The following PPP4R4 variants were observed in gnomAD, a reference collection of about 807,000 sequenced individuals.
PPP4R4 encodes the protein protein phosphatase 4 regulatory subunit 4, also known as serine/threonine-protein phosphatase 4 regulatory subunit 4.
In PPP4R4, 70 loss-of-function variants were observed where a neutral mutation model predicts 121.8. That is an observed-to-expected ratio of 0.57 (90% CI 0.47 to 0.70). PPP4R4 has a LOEUF of 0.70. Among genes scored for constraint, PPP4R4 ranks in the 30% least tolerant of loss-of-function variants. The probability of loss-of-function intolerance (pLI) is 0.00; values close to 1 mark genes in which losing one functional copy is unlikely to be tolerated. For synonymous variants in PPP4R4, 348 were observed against 355.7 expected (o/e 0.98, Z 0.24); for missense variants, 875 against 1,033.6 (o/e 0.85, Z 2.10).
intron 1 of PPP4R4, chr14:94,175,852 C>T (rs1310135150): frequency 5.2e-6 from 3 of 573,188 alleles, no homozygotes; most frequent in Non-Finnish European, 6.2e-6. Context: ...CAGCCCCCTC[C>T]CCAAACTCCC....
rs551514054 is a variant in PPP4R4, at chr14:94,174,588, C to T, written c.117+6C>T. On this transcript the variant is annotated splice_donor_region_variant and intron_variant, in intron 1 of 24. Coordinates refer to ENST00000304338, the MANE Select transcript of PPP4R4 (RefSeq NM_058237.2). ...CGGTCCGCCGGAGCCTCAAGGTGCG[C>T]CCCGGGGAGAGGACCTGCCCTCACG... 1.5e-5 allele frequency: 24 copies of T among 1,610,704 alleles called. No homozygotes were observed. The highest frequency in any genetic ancestry group is 4.5e-5 in the East Asian group (2 of 44,792).
At chr14:94,193,589 T>A (rs1889715353) in intron 2 of PPP4R4, among the ~76,000 whole-genome samples, 1 of 152,158 alleles carries the variant, frequency 6.6e-6, no homozygotes. Flanking sequence ...GGCGAGAATC[T>A]AATTGAAATA....
At chr14:94,243,000 T>C (rs1244217985) in intron 11 of PPP4R4, among the ~76,000 whole-genome samples, 1 of 152,124 alleles carries the variant, frequency 6.6e-6, no homozygotes, top group Non-Finnish European at 1.5e-5. Flanking sequence ...GGATAAGCTA[T>C]AACTTTCAAC....
In PPP4R4 at chr14:94,258,878, A is replaced by C. The variant is rs10150120; in HGVS notation, c.2052+54A>C. On this transcript the variant is annotated intron_variant, in intron 18 of 24. Coordinates refer to ENST00000304338, the MANE Select transcript of PPP4R4 (RefSeq NM_058237.2). ...TTGGTCCATTTTCATGCTGCTGAAA[A>C]AGACATACCCAAGACTGGGCAATTT... The C allele has an allele frequency of 2.7e-3, 3,920 of 1,457,612 alleles. 100 individuals carry two copies. In the African/African-American group the frequency reaches 0.047, roughly 18 times the overall value. The allele number at this position is 1,457,612 out of a possible 1,614,324, so 90.3% of individuals were successfully genotyped here. A position where few individuals can be genotyped will look rare whatever the true frequency, so the allele number is the denominator to read the frequency against.
chr14:94,263,049 C>A (rs1023340863), intron 19 of PPP4R4, among the ~76,000 whole-genome samples: 2 of 151,778 alleles, frequency 1.3e-5, no homozygotes, highest in Non-Finnish European at 2.9e-5. Context: ...TATTTTTTTC[C>A]TTTAGCTTTT....
intron 3 of PPP4R4, among the ~76,000 whole-genome samples, chr14:94,223,795 T>G (rs1382085906): frequency 6.6e-6 from 1 of 152,234 alleles, no homozygotes; most frequent in Non-Finnish European, 1.5e-5. Flanking sequence ...TTATTCCTTC[T>G]TGATTTAATC....
At chr14:94,260,463 A>G (rs888781626) in intron 19 of PPP4R4, among the ~76,000 whole-genome samples, 2 of 152,036 alleles carry the variant, frequency 1.3e-5, no homozygotes, top group African/African-American at 4.8e-5. Flanking sequence ...CCTGCTTTCA[A>G]GTGGTTGTAC....
intron 5 of PPP4R4, among the ~76,000 whole-genome samples, chr14:94,232,494 T>C (rs1281525832): frequency 6.6e-6 from 1 of 152,254 alleles, no homozygotes; most frequent in Admixed American, 6.5e-5. Flanking sequence ...ATGTGATTTT[T>C]ATATTTTTTT....
Position 94,275,361 on chromosome 14 carries a change from G to A in PPP4R4, c.2450-13G>A. On this transcript the variant is annotated splice_polypyrimidine_tract_variant and intron_variant, in intron 23 of 24. Transcript: ENST00000304338. ...ATATTTGGTATGTCTGACTTTATATGTATTGCTTTCAGATGATTCATTCCG... is the reference window on the plus strand; with the variant it reads ...ATATTTGGTATGTCTGACTTTATATATATTGCTTTCAGATGATTCATTCCG... 2 of 1,613,202 alleles carry A rather than the reference G, an allele frequency of 1.2e-6. No homozygotes were observed. The highest frequency in any genetic ancestry group is 1.7e-6 in the Non-Finnish European group (2 of 1,179,378).
intron 23 of PPP4R4, among the ~76,000 whole-genome samples, chr14:94,271,817 G>A (rs1385347482): frequency 6.6e-6 from 1 of 152,184 alleles, no homozygotes; most frequent in Non-Finnish European, 1.5e-5. Context: ...GGTAATATAT[G>A]AAGGTCAATG....
At chr14:94,213,399 T>C (rs1173359622) in intron 3 of PPP4R4, among the ~76,000 whole-genome samples, 2 of 152,194 alleles carry the variant, frequency 1.3e-5, no homozygotes, top group Non-Finnish European at 2.9e-5. Flanking sequence ...ATCAATCATA[T>C]CTTGTCTCCC....
chr14:94,248,380 T>C lies in PPP4R4; in HGVS notation c.1612-1792T>C, dbSNP rs372082098. Reference sequence around the variant, plus strand: ...GGCGAAAGAGCTCTGCAAGGGGAGCTATAAAACACTGCTGAAAGAAATCAT... The same window carrying C: ...GGCGAAAGAGCTCTGCAAGGGGAGCCATAAAACACTGCTGAAAGAAATCAT... On this transcript the variant is annotated intron_variant, in intron 14 of 24. Transcript: ENST00000304338. Among the ~76,000 whole-genome samples, 102 of 152,262 alleles carry C rather than the reference T, an allele frequency of 6.7e-4. 2 individuals carry two copies. In the South Asian group the frequency reaches 0.02, roughly 30 times the overall value.
intron 18 of PPP4R4, among the ~76,000 whole-genome samples, chr14:94,259,051 A>G (rs775161751): frequency 1.3e-5 from 2 of 152,126 alleles, no homozygotes; most frequent in Non-Finnish European, 2.9e-5. Flanking sequence ...TCCCCCTTAC[A>G]ATACCATCAG....
Position 94,233,738 on chromosome 14 carries a change from C to G in PPP4R4, c.602C>G (p.Thr201Ser), listed in dbSNP as rs766295249. 1.3e-6 allele frequency: 2 copies of G among 1,586,986 alleles called. No homozygotes were observed. The highest frequency in any genetic ancestry group is 1.7e-6 in the Non-Finnish European group (2 of 1,157,242). ...LVSCKILGKLTNKFDAHTIKR... is the reference protein window; with the variant it reads ...LVSCKILGKLSNKFDAHTIKR... ...AGTTGTAAAATTTTAGGAAAATTGA[C>G]CAACAAATTTGATGCCCACACGTGA... is the stretch of plus-strand genomic sequence containing the variant. Residue 201 changes from threonine (T) to serine (S), a missense_variant, in exon 6 of 25, where the codon ACC becomes AGC. Thr to Ser is a moderately conservative substitution (Grantham distance 58). Coordinates refer to ENST00000304338, the MANE Select transcript of PPP4R4 (RefSeq NM_058237.2).
chr14:94,214,063 C>T (rs1347198499), intron 3 of PPP4R4, among the ~76,000 whole-genome samples: 3 of 152,230 alleles, frequency 2.0e-5, no homozygotes, highest in East Asian at 3.9e-4. Context: ...ACTATACCCC[C>T]GGAACCTAGA....
intron 6 of PPP4R4, 88 bp downstream of exon 6, chr14:94,233,847 C>T (rs1255487103): frequency 8.3e-6 from 7 of 840,088 alleles, no homozygotes; most frequent in Non-Finnish European, 1.3e-5. Context: ...TGTGTTATTT[C>T]ATACTGCATA....
At chr14:94,224,995 ACAAT>A (rs1891618127) in intron 3 of PPP4R4, among the ~76,000 whole-genome samples, 1 of 152,184 alleles carries the variant, frequency 6.6e-6, no homozygotes, top group African/African-American at 2.4e-5. Flanking sequence ...TTGTTAGAAA[ACAAT>A]CAGTTGATCT....
intron 2 of PPP4R4, among the ~76,000 whole-genome samples, chr14:94,187,203 T>C (rs1595451300): frequency 2.0e-5 from 3 of 151,886 alleles, no homozygotes; most frequent in East Asian, 3.9e-4. Flanking sequence ...TCCCAGCTAC[T>C]CGGGAGGCTG....
chr14:94,264,786 T>C (rs1456813516), intron 19 of PPP4R4, 92 bp from the exon 20 acceptor site: 7 of 970,912 alleles, frequency 7.2e-6, no homozygotes, highest in Non-Finnish European at 1.1e-5. Flanking sequence ...TTTTATGAAC[T>C]TTACTTGAAT....
Sources: gnomAD v4.1 joint callset for allele counts (sites outside exome capture counted in the v4.1 genomes callset) on GRCh38, gnomAD v4.1.1 for gene constraint, MANE v1.5 for transcripts, NCBI Gene and HGNC (gene_info 2026-07-23, HGNC 2026-07-21) for gene names.